ADCY7: variants seen among roughly 807,000 people sequenced by gnomAD.
The protein encoded by ADCY7 is adenylate cyclase 7.
A neutral mutation model predicts 120.6 loss-of-function variants in ADCY7; 72 were observed. The ratio of observed to expected loss-of-function variants is 0.60; its 90% CI spans 0.49 to 0.73. The LOEUF (loss-of-function observed/expected upper bound fraction) is 0.73, where lower values mean the gene tolerates loss of function less well. Ranked by LOEUF, ADCY7 falls within the 30% of genes least tolerant of loss-of-function variation. ADCY7 has a pLI of 0.00. For synonymous variants in ADCY7, 661 were observed against 628.0 expected, an observed-to-expected ratio of 1.05 and a Z score of -0.78; for missense variants, 1,227 against 1,486.0, an observed-to-expected ratio of 0.83 and a Z score of 2.87.
At position 50,288,327 on chromosome 16, in the gene ADCY7, A is replaced by G; in HGVS notation, c.148A>G (p.Ile50Val). Reference sequence around the variant, plus strand: ...GGCCGCCACTGCCTGCGTGGCCCTCATCATCATTGCCTTCAGCCAGGGGGT... The same window carrying G: ...GGCCGCCACTGCCTGCGTGGCCCTCGTCATCATTGCCTTCAGCCAGGGGGT... ...LVAATACVAL[I>V]IIAFSQGDPS... Residue 50 changes from isoleucine (I) to valine (V), a missense_variant, in exon 2 of 26, where the codon ATC (isoleucine) becomes GTC (valine). Physicochemically the swap from Ile to Val is conservative, Grantham distance 29. Coordinates refer to ENST00000673801, the MANE Select transcript of ADCY7 (RefSeq NM_001114.5). The G allele has an allele frequency of 6.5e-7, 1 of 1,549,648 alleles. No individual in the cohort carries two copies. The highest frequency in any genetic ancestry group is 8.7e-7 in the Non-Finnish European group (1 of 1,146,018).
chr16:50,250,794 C>G (rs1173343881), intron 1 of ADCY7, among the ~76,000 whole-genome samples: 2 of 151,984 alleles, frequency 1.3e-5, no homozygotes, highest in African/African-American at 4.8e-5. Flanking sequence ...TGGAAATTTG[C>G]AAGGCTAAAG....
chr16:50,313,432 C>CA (rs1390325402), intron 22 of ADCY7: 48 of 164,700 alleles, frequency 2.9e-4, no homozygotes, highest in African/African-American at 1.1e-3. Flanking sequence ...ACAACAACAA[C>CA]AACAAAAAAA....
upstream of ADCY7, among the ~76,000 whole-genome samples, chr16:50,265,006 T>G (rs1014448281): frequency 1.2e-4 from 18 of 151,958 alleles, no homozygotes; most frequent in African/African-American, 4.4e-4. Context: ...CTGGCTAATT[T>G]TTGTGCTTTT....
Position 50,305,837 on chromosome 16 carries a change from C to T in ADCY7, c.1740C>T (p.Gly580=). The T allele has an allele frequency of 6.2e-7, 1 of 1,613,840 alleles. No homozygotes were observed. The highest frequency in any genetic ancestry group is 1.3e-5 in the African/African-American group (1 of 75,062). Residue 580 remains glycine (G), a synonymous_variant, in exon 14 of 26, where the codon GGC becomes GGT. Transcript: ENST00000673801. ...TTGGGTCCATCTTCCTGGAGAAGGGCTTTGAGCGCGAGGTGAGGGCCCCCA... is the reference window on the plus strand; with the variant it reads ...TTGGGTCCATCTTCCTGGAGAAGGGTTTTGAGCGCGAGGTGAGGGCCCCCA... ...YTFGSIFLEK[G]FEREYRLAPI...
intron 1 of ADCY7, among the ~76,000 whole-genome samples, chr16:50,248,317 T>A (rs11076524): frequency 0.32 from 47,949 of 152,096 alleles, 7,725 homozygotes; most frequent in Middle Eastern, 0.38. Flanking sequence ...CCCTTCTTGA[T>A]GGGCACAAAG....
Position 50,307,118 on chromosome 16 carries a change from C to T in ADCY7, c.1821C>T (p.Ile607=). The T allele has an allele frequency of 1.9e-6, 3 of 1,612,204 alleles. No individual in the cohort carries two copies. The highest frequency in any genetic ancestry group is 2.5e-6 in the Non-Finnish European group (3 of 1,180,002). ...FACASLIFVC[I]LLVHVLLMPR... ...GCGCCAGCCTGATCTTCGTCTGCAT[C>T]CTGCTCGTCCATGTCCTGCTCATGC... Residue 607 remains isoleucine, a synonymous_variant, in exon 15 of 26, where the codon ATC becomes ATT. Coordinates refer to ENST00000673801, the MANE Select transcript of ADCY7 (RefSeq NM_001114.5).
intron 1 of ADCY7, among the ~76,000 whole-genome samples, chr16:50,247,076 AATGC>A (rs891725803): frequency 2.0e-5 from 3 of 152,168 alleles, no homozygotes; most frequent in African/African-American, 7.2e-5. Context: ...TGAATGAATG[AATGC>A]ATGACCAACA....
intron 1 of ADCY7, among the ~76,000 whole-genome samples, chr16:50,271,133 G>T (rs185938168): frequency 1.3e-5 from 2 of 152,262 alleles, no homozygotes; most frequent in African/African-American, 4.8e-5. Context: ...GAAGGGACCA[G>T]TGTTGGGGTG....
At chr16:50,251,383 T>C (rs1456349187) in intron 1 of ADCY7, among the ~76,000 whole-genome samples, 1 of 152,206 alleles carries the variant, frequency 6.6e-6, no homozygotes, top group Non-Finnish European at 1.5e-5. Flanking sequence ...TTTTGTTATC[T>C]TTAGTATGGG....
At chr16:50,245,999 T>C (rs1354159775), upstream of ADCY7, 1 of 150,380 alleles carries the variant, frequency 6.6e-6, no homozygotes, top group Non-Finnish European at 1.5e-5. Flanking sequence ...ACAGCTGCGC[T>C]TGCAGGGTGG....
intron 8 of ADCY7, among the ~76,000 whole-genome samples, chr16:50,299,479 G>C (rs1025183702): frequency 2.0e-5 from 3 of 152,234 alleles, no homozygotes; most frequent in African/African-American, 7.2e-5. Flanking sequence ...TCCCCTCTAG[G>C]TCCCCTGTGG....
intron 1 of ADCY7, among the ~76,000 whole-genome samples, chr16:50,256,953 A>T (rs1195006116): frequency 6.6e-6 from 1 of 152,234 alleles, no homozygotes; most frequent in African/African-American, 2.4e-5. Flanking sequence ...AATGTGACAT[A>T]TATACACAAT....
intron 10 of ADCY7, 106 bp downstream of exon 10, chr16:50,301,320 T>A: frequency 7.1e-7 from 1 of 1,417,598 alleles, no homozygotes; most frequent in South Asian, 1.5e-5. Flanking sequence ...GAGGGAGAGG[T>A]GGGGAAGGGC....
chr16:50,254,535 C>T (rs898950340), intron 1 of ADCY7, among the ~76,000 whole-genome samples: 7 of 152,214 alleles, frequency 4.6e-5, no homozygotes, highest in Admixed American at 1.3e-4. Context: ...ACAATAGCCA[C>T]GCGAAAAAAT....
chr16:50,258,034 C>T (rs745690225), intron 1 of ADCY7, among the ~76,000 whole-genome samples: 17 of 152,108 alleles, frequency 1.1e-4, no homozygotes, highest in South Asian at 2.1e-4. Flanking sequence ...CGTGAGCCAC[C>T]GTGCCTGGCC....
chr16:50,298,783 A>G, intron 7 of ADCY7, 121 bp from the exon 8 acceptor site: 1 of 1,410,120 alleles, frequency 7.1e-7, no homozygotes. Context: ...ACTGGACCCC[A>G]GGAGGCAAGC....
At chr16:50,269,694 T>G (rs2033437151) in intron 1 of ADCY7, among the ~76,000 whole-genome samples, 1 of 152,144 alleles carries the variant, frequency 6.6e-6, no homozygotes, top group African/African-American at 2.4e-5. Flanking sequence ...AGGAAGAGGA[T>G]GTGGACTTGT....
At chr16:50,257,843 G>T (rs956170752) in intron 1 of ADCY7, among the ~76,000 whole-genome samples, 1 of 151,614 alleles carries the variant, frequency 6.6e-6, no homozygotes, top group African/African-American at 2.4e-5. Context: ...CCCAGGCTCA[G>T]GTGATCCTCC....
At chr16:50,261,715 C>T (rs558661319), upstream of ADCY7, among the ~76,000 whole-genome samples, 17 of 152,276 alleles carry the variant, frequency 1.1e-4, no homozygotes, top group South Asian at 2.1e-4. Flanking sequence ...CCCCTAGCTC[C>T]GCCAAAGTCT....
Sources: allele counts gnomAD v4.1 joint callset (sites outside exome capture counted in the v4.1 genomes callset), GRCh38; gene constraint gnomAD v4.1.1; transcripts MANE v1.5; gene names NCBI Gene and HGNC (gene_info 2026-07-23, HGNC 2026-07-21).